Variants in PITRM1 observed in about 807,000 individuals in gnomAD.
PITRM1 encodes pitrilysin metallopeptidase 1.
Under a neutral mutation model 129.9 loss-of-function variants are expected in PITRM1, and 100 were observed. The ratio of observed to expected loss-of-function variants is 0.77; its 90% CI spans 0.65 to 0.91. The LOEUF (loss-of-function observed/expected upper bound fraction) is 0.91. Ranked by LOEUF, PITRM1 falls within the 40% of genes least tolerant of loss-of-function variation. The probability of loss-of-function intolerance (pLI) is 0.00; values close to 1 mark genes in which losing one functional copy is unlikely to be tolerated. For synonymous variants in PITRM1, 591 were observed against 508.8 expected (o/e 1.16, Z -2.17); for missense variants, 1,471 against 1,318.3 (o/e 1.12, Z -1.79).
chr10:3,155,591 CT>C lies in PITRM1; in HGVS notation c.1620del (p.Gly541ValfsTer2). On this transcript the variant is annotated frameshift_variant and splice_region_variant, in exon 14 of 27. Transcript: ENST00000224949. LOFTEE classifies it high-confidence loss of function. ...SPGDRQQIYE[K>X]GLELRSQQSK... The stretch of plus-strand genomic sequence containing the variant: ...GCCAGCTCGGAAGGAAGCCTCTGAC[CT>C]TTCTCGTAGATCTGCTGCCTGTCTC... The C allele has an allele frequency of 3.1e-6, 5 of 1,613,900 alleles. No homozygotes were observed. The highest frequency in any genetic ancestry group is 4.2e-6 in the Non-Finnish European group (5 of 1,179,864).
rs1842913909 is a variant in PITRM1, at chr10:3,166,921, C to G, written c.266+15G>C. ...AAAAACATTCAAGACCATGTTCTTA[C>G]AATGCACCACACACCTGAACAGATT... On this transcript the variant is annotated intron_variant, in intron 3 of 26. Transcript: ENST00000224949. The G allele has an allele frequency of 6.9e-7, 1 of 1,450,224 alleles. No homozygotes were observed. The highest frequency in any genetic ancestry group is 2.3e-5 in the East Asian group (1 of 43,934). 89.8% of individuals were successfully genotyped at this position (1,450,224 alleles called of 1,614,324 possible). A position where few individuals can be genotyped will look rare whatever the true frequency, so the allele number is the denominator to read the frequency against.
chr10:3,157,296 C>A, intron 12 of PITRM1, 139 bp downstream of exon 12: 2 of 631,530 alleles, frequency 3.2e-6, no homozygotes, highest in Non-Finnish European at 5.2e-6. Flanking sequence ...TAGGAAATAA[C>A]CAACAGATTA....
intron 10 of PITRM1, 139 bp downstream of exon 10, chr10:3,158,775 T>G (rs1294224754): frequency 6.5e-6 from 5 of 771,222 alleles, no homozygotes; most frequent in Non-Finnish European, 1.0e-5. Context: ...TGGTCCGCCA[T>G]CTTCCGATTA....
intron 1 of PITRM1, among the ~76,000 whole-genome samples, chr10:3,171,307 A>G (rs1843334473): frequency 6.7e-6 from 1 of 149,388 alleles, no homozygotes; most frequent in African/African-American, 2.5e-5. Context: ...GTAACAAGAC[A>G]TTGTCAGAAC....
rs1474788409 is a variant in PITRM1 at position 3,145,527 on chromosome 10, G to A, written c.2457+69C>T. 136 of 1,337,190 alleles carry A rather than the reference G, an allele frequency of 1.0e-4. 3 individuals carry two copies. In the South Asian group the frequency reaches 1.2e-3, roughly 12 times the overall value. The allele number at this position is 1,337,190 out of a possible 1,614,324, so 82.8% of individuals were successfully genotyped here. ...ACTGCTCTGAGAATTGAGTTAATGC[G>A]TGTAAAACATGAGAGCTGCTCTGGC... On this transcript the variant is annotated intron_variant, in intron 21 of 26. Transcript: ENST00000224949.
intron 23 of PITRM1, among the ~76,000 whole-genome samples, chr10:3,142,629 G>C (rs1417007985): frequency 6.6e-6 from 1 of 152,246 alleles, no homozygotes; most frequent in South Asian, 2.1e-4. Flanking sequence ...AGAAGGGGCT[G>C]GAGGGCCAGT....
chr10:3,150,522 C>CCGT (rs1320851337), intron 15 of PITRM1, among the ~76,000 whole-genome samples: 1 of 152,176 alleles, frequency 6.6e-6, no homozygotes. Flanking sequence ...AATCCCATCC[C>CCGT]CGTCCTCAAG....
chr10:3,157,190 C>T, intron 12 of PITRM1, 126 bp from the exon 13 acceptor site: 1 of 930,866 alleles, frequency 1.1e-6, no homozygotes, highest in Non-Finnish European at 1.5e-6. Context: ...TTGTTTATAA[C>T]AAAAGTCATG....
At position 3,138,909 on chromosome 10, in the gene PITRM1, T is replaced by G. The variant is rs1228130467; in HGVS notation, c.2912A>C (p.Asp971Ala). 2.5e-6 allele frequency: 4 copies of G among 1,613,912 alleles called. No homozygotes were observed. The highest frequency in any genetic ancestry group is 3.4e-6 in the Non-Finnish European group (4 of 1,179,798). The change falls in exon 25 of 27, where the codon GAC (aspartate) becomes GCC (alanine). Residue 971 changes from aspartate to alanine, a missense_variant. Transcript: ENST00000224949. ...STVDAPVAPSDKGMDHFLYGL... is the reference protein window; with the variant it reads ...STVDAPVAPSAKGMDHFLYGL... ...CACTGTTATACTCAAAATACCTTTGTCTGAAGGAGCGACAGGAGCATCTAC... is the reference window on the plus strand; with the variant it reads ...CACTGTTATACTCAAAATACCTTTGGCTGAAGGAGCGACAGGAGCATCTAC...
rs200737276 is a variant in PITRM1, at chr10:3,143,417, C to T, written c.2617G>A (p.Val873Ile). Reference sequence around the variant, plus strand: ...GCATGATCTGGGTCCGTGTAGGGGACAGTTCGGATGCATTCACCCACGTAA... The same window carrying T: ...GCATGATCTGGGTCCGTGTAGGGGATAGTTCGGATGCATTCACCCACGTAA... ...VNYVGECIRT[V>I]PYTDPDHASL... The change falls in exon 23 of 27, where the codon GTC becomes ATC. Residue 873 changes from valine (V) to isoleucine (I), a missense_variant. Physicochemically the swap from Val to Ile is conservative, Grantham distance 29. Coordinates refer to ENST00000224949, the MANE Select transcript of PITRM1 (RefSeq NM_014889.4). The T allele has an allele frequency of 3.7e-4, 603 of 1,612,568 alleles. No homozygotes were observed. The highest frequency in any genetic ancestry group is 4.6e-4 in the Non-Finnish European group (537 of 1,178,628).
At chr10:3,165,358 G>A (rs753261971) in intron 5 of PITRM1, 24 bp from the exon 6 acceptor site, 1 of 1,597,260 alleles carries the variant, frequency 6.3e-7, no homozygotes, top group Non-Finnish European at 8.5e-7. Context: ...ATTATAAGCT[G>A]ATAGTGACTC....
At chr10:3,147,044 C>A in intron 20 of PITRM1, 106 bp downstream of exon 20, 2 of 578,850 alleles carry the variant, frequency 3.5e-6, no homozygotes, top group African/African-American at 1.9e-5. Flanking sequence ...AATTCTATAA[C>A]CTTTACCAAG....
Position 3,171,146 on chromosome 10 carries a change from TTAAAAAAAAAAAAAAAAAAAA to T in PITRM1, c.57-961_57-941del, listed in dbSNP as rs1430821060. ...GATAAAGTGCGGACTAATCGTTCAA[TTAAAAAAAAAAAAAAAAAAAA>T]AAAAAAAAAAAAAAAAACCTTACCA... On this transcript the variant is annotated intron_variant, in intron 1 of 26. Coordinates refer to ENST00000224949, the MANE Select transcript of PITRM1 (RefSeq NM_014889.4). Among the ~76,000 whole-genome samples, 11 of 36,266 alleles carry T rather than the reference TTAAAAAAAAAAAAAAAAAAAA, an allele frequency of 3.0e-4. 1 individual carries two copies. The highest frequency in any genetic ancestry group is 1.4e-3 in the South Asian group (1 of 736). 23.8% of individuals were successfully genotyped at this position (36,266 alleles called of 152,430 possible).
chr10:3,169,771 C>G (rs1843185081), intron 2 of PITRM1, among the ~76,000 whole-genome samples: 2 of 152,202 alleles, frequency 1.3e-5, no homozygotes, highest in African/African-American at 4.8e-5. Context: ...CTAAACAGAT[C>G]AGGGCAGTGA....
intron 1 of PITRM1, among the ~76,000 whole-genome samples, chr10:3,171,147 TAAAAAAAAAAAAAAAAAAAAAA>T (rs1169315061): frequency 2.0e-5 from 1 of 49,172 alleles, no homozygotes; most frequent in Non-Finnish European, 3.7e-5. Flanking sequence ...ATCGTTCAAT[TAAAAAAAAAAAAAAAAAAAAAA>T]AAAAAAAAAA....
chr10:3,160,551 T>C (rs1455744562), intron 7 of PITRM1, among the ~76,000 whole-genome samples: 1 of 152,050 alleles, frequency 6.6e-6, no homozygotes, highest in African/African-American at 2.4e-5. Flanking sequence ...ATTGTTCTAT[T>C]TTATTATTAG....
chr10:3,143,192 G>A, intron 23 of PITRM1, 197 bp downstream of exon 23: 1 of 586,122 alleles, frequency 1.7e-6, no homozygotes, highest in Non-Finnish European at 3.1e-6. Context: ...AAAAATGACT[G>A]GCTCTAAAAC....
intron 7 of PITRM1, among the ~76,000 whole-genome samples, chr10:3,161,740 G>T (rs567025626): frequency 6.6e-6 from 1 of 151,984 alleles, no homozygotes; most frequent in Admixed American, 6.5e-5. Context: ...TGGGGCAAAT[G>T]TGGGCATAAA....
chr10:3,162,077 T>TGGCCCAGGAGGCTGAGGC (rs1368264630), intron 7 of PITRM1, among the ~76,000 whole-genome samples: 7 of 148,270 alleles, frequency 4.7e-5, no homozygotes, highest in Non-Finnish European at 1.0e-4. Flanking sequence ...GAGGCTGAGG[T>TGGCCCAGGAGGCTGAGGC]GGCCCAGGAG....
Sources: allele counts gnomAD v4.1 joint callset (sites outside exome capture counted in the v4.1 genomes callset), GRCh38; gene constraint gnomAD v4.1.1; transcripts MANE v1.5; gene names NCBI Gene and HGNC (gene_info 2026-07-23, HGNC 2026-07-21).